EFR3B: variants seen among roughly 807,000 people sequenced by gnomAD.
The protein encoded by EFR3B is EFR3 homolog B.
In EFR3B, 64 loss-of-function variants were observed where a neutral mutation model predicts 104.7. The observed-to-expected ratio is 0.61, with a 90% confidence interval of 0.50 to 0.75. EFR3B has a LOEUF of 0.75. Among genes scored for constraint, EFR3B ranks in the 30% least tolerant of loss-of-function variants. The probability of loss-of-function intolerance (pLI) is 0.00; values close to 1 mark genes in which losing one functional copy is unlikely to be tolerated. For synonymous variants in EFR3B, 385 were observed against 417.9 expected (o/e 0.92, Z 0.96); for missense variants, 750 against 1,078.5 (o/e 0.70, Z 4.27).
chr2:25,094,331 C>T (rs930327206), intron 3 of EFR3B, among the ~76,000 whole-genome samples: 6 of 143,546 alleles, frequency 4.2e-5, no homozygotes, highest in African/African-American at 1.0e-4. Context: ...GTTTAAGAGA[C>T]GAACAACAAA....
intron 1 of EFR3B, among the ~76,000 whole-genome samples, chr2:25,089,834 C>T (rs1003598231): frequency 6.6e-6 from 1 of 152,056 alleles, no homozygotes; most frequent in Non-Finnish European, 1.5e-5. Context: ...TGTGCTGGGG[C>T]GGGTGGAAGC....
chr2:25,073,360 C>CTT (rs33951017), intron 1 of EFR3B, among the ~76,000 whole-genome samples: 2,256 of 140,892 alleles, frequency 0.016, 183 homozygotes, highest in Admixed American at 0.14. Context: ...CTATTTAATA[C>CTT]TTTTTTTTTT....
chr2:25,139,020 C>A, intron 15 of EFR3B, 39 bp from the exon 16 acceptor site: 2 of 1,551,116 alleles, frequency 1.3e-6, no homozygotes, highest in South Asian at 2.4e-5. Context: ...TGTAGTCTGT[C>A]AGTGAAAAAC....
chr2:25,107,422 C>G (rs1459926932), intron 4 of EFR3B, among the ~76,000 whole-genome samples: 1 of 152,194 alleles, frequency 6.6e-6, no homozygotes, highest in Non-Finnish European at 1.5e-5. Context: ...CCTTCAAGGT[C>G]CCCAACTCAG....
chr2:25,152,108 T>G, intron 21 of EFR3B, 88 bp downstream of exon 21: 1 of 1,350,450 alleles, frequency 7.4e-7, no homozygotes. Context: ...CTAGGAGATC[T>G]TGGCTCTTTG....
Position 25,137,249 on chromosome 2 carries a change from G to GC in EFR3B, c.1561-86dup, listed in dbSNP as rs1468993810. On this transcript the variant is annotated intron_variant, in intron 14 of 22. Coordinates refer to ENST00000403714, the MANE Select transcript of EFR3B (RefSeq NM_014971.2). The surrounding 1 kb of genome is among the most constrained non-coding windows in gnomAD (Gnocchi z 4.7). The stretch of plus-strand genomic sequence containing the variant: ...GGAGGAGGGGGCACACAGCCATCCT[G>GC]CCCCCCTTCAGATTGGTCTTCCTCC... 7 of 1,420,906 alleles carry GC rather than the reference G, an allele frequency of 4.9e-6. No individual in the cohort carries two copies. In the African/African-American group the frequency reaches 8.5e-5, roughly 17 times the overall value. 88.0% of individuals were successfully genotyped at this position (1,420,906 alleles called of 1,614,324 possible).
chr2:25,044,689 G>A (rs187784077), intron 1 of EFR3B, among the ~76,000 whole-genome samples: 26 of 152,202 alleles, frequency 1.7e-4, no homozygotes, highest in East Asian at 3.9e-4. Flanking sequence ...CTATGGAGCC[G>A]AAAGTCACCT....
intron 3 of EFR3B, among the ~76,000 whole-genome samples, chr2:25,102,322 G>A (rs1470087933): frequency 1.3e-5 from 2 of 152,122 alleles, no homozygotes; most frequent in African/African-American, 4.8e-5. Flanking sequence ...TAGGCTTCAG[G>A]TTGACATTTT....
chr2:25,149,892 T>C, intron 20 of EFR3B, 150 bp downstream of exon 20: 1 of 757,086 alleles, frequency 1.3e-6, no homozygotes, highest in Non-Finnish European at 2.3e-6. Context: ...GACAAACTCA[T>C]CACAGCCACC....
intron 1 of EFR3B, among the ~76,000 whole-genome samples, chr2:25,078,376 A>G (rs1301878990): frequency 6.6e-6 from 1 of 152,246 alleles, no homozygotes; most frequent in Non-Finnish European, 1.5e-5. Context: ...TTTAGTAGGA[A>G]TGATCAAGTC....
intron 1 of EFR3B, among the ~76,000 whole-genome samples, chr2:25,067,773 T>C (rs1320329946): frequency 6.6e-6 from 1 of 152,198 alleles, no homozygotes; most frequent in Non-Finnish European, 1.5e-5. Context: ...CTGCCTAGTG[T>C]GCATTGCATG....
intron 1 of EFR3B, among the ~76,000 whole-genome samples, chr2:25,051,494 G>T (rs1215752397): frequency 6.6e-6 from 1 of 152,070 alleles, no homozygotes; most frequent in Non-Finnish European, 1.5e-5. Flanking sequence ...ATCTCAGGAG[G>T]CCATCTGGTC....
At chr2:25,078,904 C>T (rs1668710185) in intron 1 of EFR3B, among the ~76,000 whole-genome samples, 2 of 152,102 alleles carry the variant, frequency 1.3e-5, no homozygotes, top group Non-Finnish European at 2.9e-5. Flanking sequence ...AGCTTGTGGC[C>T]GGTCCCTGTC....
intron 3 of EFR3B, among the ~76,000 whole-genome samples, chr2:25,102,291 T>C (rs1330539125): frequency 1.3e-5 from 2 of 152,146 alleles, no homozygotes; most frequent in African/African-American, 4.8e-5. Context: ...AGTAGAATTG[T>C]GAATAGAGGA....
At chr2:25,048,997 C>T (rs1667795286) in intron 1 of EFR3B, among the ~76,000 whole-genome samples, 1 of 152,144 alleles carries the variant, frequency 6.6e-6, no homozygotes, top group South Asian at 2.1e-4. Context: ...ATCCGTTGTA[C>T]TCCTACTAGC....
At chr2:25,072,839 C>G (rs1462453305) in intron 1 of EFR3B, among the ~76,000 whole-genome samples, 1 of 152,186 alleles carries the variant, frequency 6.6e-6, no homozygotes, top group Non-Finnish European at 1.5e-5. Context: ...TCCAGCTACT[C>G]TCAGGCCTTT....
chr2:25,120,619 G>A (rs1328400279), intron 4 of EFR3B, among the ~76,000 whole-genome samples: 2 of 151,282 alleles, frequency 1.3e-5, no homozygotes, highest in African/African-American at 4.9e-5. Context: ...ACTCCAGCCT[G>A]GCGACAGAGC....
intron 4 of EFR3B, among the ~76,000 whole-genome samples, chr2:25,119,478 G>A (rs1481931764): frequency 6.6e-6 from 1 of 152,228 alleles, no homozygotes; most frequent in African/African-American, 2.4e-5. Context: ...AGCCTTGGGG[G>A]CTTATGAAGG....
In EFR3B at chr2:25,136,326, G is replaced by C. The variant is rs1270936184; in HGVS notation, c.1485-197G>C. ...ACAGAATAAGACCCTGTCTCAAAAA[G>C]GAAAAAAGAGAGAGAGATAAAGGGA... On this transcript the variant is annotated intron_variant, in intron 13 of 22. Transcript: ENST00000403714. This position sits in a 1 kb window ranked among gnomAD's most constrained non-coding sequence, Gnocchi z 4.0. Among the ~76,000 whole-genome samples, 1 of 151,888 alleles carries C rather than the reference G, an allele frequency of 6.6e-6. No homozygotes were observed. Among genetic ancestry groups the C allele is most frequent in the African/African-American group, 2.4e-5 (1 of 41,356 alleles).
Sources: allele counts gnomAD v4.1 joint callset (sites outside exome capture counted in the v4.1 genomes callset), GRCh38; gene constraint gnomAD v4.1.1; non-coding constraint Gnocchi (gnomAD v3.1); transcripts MANE v1.5; gene names NCBI Gene and HGNC (gene_info 2026-07-23, HGNC 2026-07-21).